Variants in NASP observed in about 807,000 individuals in gnomAD.
NASP encodes the protein nuclear autoantigenic sperm protein, also known as NASP histone chaperone.
In NASP, 24 loss-of-function variants were observed where a neutral mutation model predicts 89.5. That is an observed-to-expected ratio of 0.27 (90% confidence interval 0.19 to 0.38). The LOEUF (loss-of-function observed/expected upper bound fraction) is 0.38, where lower values mean the gene tolerates loss of function less well. Among genes scored for constraint, NASP ranks in the 10% least tolerant of loss-of-function variants. NASP has a pLI of 1.00. For synonymous variants in NASP, 306 were observed against 324.7 expected (o/e 0.94, Z 0.62); for missense variants, 848 against 921.4 (o/e 0.92, Z 1.03).
chr1:45,602,380 T>C lies in NASP; in HGVS notation c.218+15T>C. The stretch of plus-strand genomic sequence containing the variant: ...GCTAGTCTTTTGTAAGTATTGTATA[T>C]TTTGCTATGATGTAATATTATGTTC... On this transcript the variant is annotated intron_variant, in intron 3 of 14. Transcript: ENST00000350030. The C allele has an allele frequency of 6.2e-7, 1 of 1,607,514 alleles. No individual in the cohort carries two copies. The highest frequency in any genetic ancestry group is 2.2e-5 in the East Asian group (1 of 44,736).
At chr1:45,613,965 T>C (rs1644060484) in intron 7 of NASP, 131 bp from the exon 8 acceptor site, 4 of 654,488 alleles carry the variant, frequency 6.1e-6, no homozygotes, top group Non-Finnish European at 1.1e-5. Context: ...TGTGGACCCA[T>C]TCTCTAGATT....
chr1:45,590,278 C>T (rs1643500508), intron 1 of NASP, among the ~76,000 whole-genome samples: 1 of 152,150 alleles, frequency 6.6e-6, no homozygotes, highest in South Asian at 2.1e-4. Flanking sequence ...GGCGCGGTGG[C>T]TCACGCCTGT....
At chr1:45,584,314 C>T (rs1045056551) in intron 1 of NASP, 109 bp downstream of exon 1, 13 of 988,148 alleles carry the variant, frequency 1.3e-5, no homozygotes, top group African/African-American at 5.6e-5. Flanking sequence ...CTTGCCTTCC[C>T]AAGAGCAGCT....
At chr1:45,587,253 T>G (rs749549618) in intron 1 of NASP, among the ~76,000 whole-genome samples, 3 of 151,938 alleles carry the variant, frequency 2.0e-5, no homozygotes, top group Non-Finnish European at 2.9e-5. Context: ...TGGCACAATC[T>G]CTGCTCACTG....
At chr1:45,584,422 C>G (rs531758321) in intron 1 of NASP, among the ~76,000 whole-genome samples, 2 of 152,340 alleles carry the variant, frequency 1.3e-5, no homozygotes, top group Non-Finnish European at 2.9e-5. Context: ...CCCCCTGCCC[C>G]GCTTTTCGCG....
chr1:45,617,710 GTCCTCAC>G, intron 14 of NASP, 119 bp downstream of exon 14: 11 of 1,222,022 alleles, frequency 9.0e-6, no homozygotes, highest in Non-Finnish European at 1.2e-5. Flanking sequence ...GTTGAGTGCA[GTCCTCAC>G]AGAAAACGGT....
chr1:45,593,535 CA>C (rs1197658183), intron 2 of NASP, among the ~76,000 whole-genome samples: 11,503 of 82,738 alleles, frequency 0.14, 154 homozygotes, highest in Middle Eastern at 0.2. Flanking sequence ...TGTCCCCCCC[CA>C]AAAAAAAAAA....
At chr1:45,591,037 C>T (rs866038913) in intron 1 of NASP, among the ~76,000 whole-genome samples, 186 bp from the exon 2 acceptor site, 1 of 151,934 alleles carries the variant, frequency 6.6e-6, no homozygotes, top group African/African-American at 2.4e-5. Flanking sequence ...TATTTTCAGC[C>T]CTGGATATTT....
chr1:45,596,896 T>C (rs1252143506), intron 2 of NASP, among the ~76,000 whole-genome samples: 1 of 151,966 alleles, frequency 6.6e-6, no homozygotes, highest in Admixed American at 6.6e-5. Flanking sequence ...GGCAGGAGAA[T>C]CGCTTGAACC....
intron 1 of NASP, among the ~76,000 whole-genome samples, chr1:45,587,398 T>A (rs2148325651): frequency 6.6e-6 from 1 of 151,920 alleles, no homozygotes; most frequent in Non-Finnish European, 1.5e-5. Flanking sequence ...CTCGAACTCC[T>A]GACCTCAGGT....
At chr1:45,595,122 C>CT (rs2148338285) in intron 2 of NASP, among the ~76,000 whole-genome samples, 1 of 141,644 alleles carries the variant, frequency 7.1e-6, no homozygotes, top group East Asian at 2.2e-4. Flanking sequence ...GCCTGCCAGA[C>CT]TAAGTTTTGT....
rs1436038711 is a variant in NASP at position 45,588,645 on chromosome 1, CTT to C, written c.60-2577_60-2576del. Reference sequence around the variant, plus strand: ...TTCTAAGTATAGTTTTTTTGTTTCTCTTAAGAATGAGCGGCCGGGCGCGGTGG... The same window carrying C: ...TTCTAAGTATAGTTTTTTTGTTTCTCAAGAATGAGCGGCCGGGCGCGGTGG... On this transcript the variant is annotated intron_variant, in intron 1 of 14. Transcript: ENST00000350030. 4 of 452,514 alleles carry C rather than the reference CTT, an allele frequency of 8.8e-6. No homozygotes were observed. In the East Asian group the frequency reaches 2.9e-4, roughly 32 times the overall value. The allele number at this position is 452,514 out of a possible 1,614,324, so 28.0% of individuals were successfully genotyped here. A position where few individuals can be genotyped will look rare whatever the true frequency, so the allele number is the denominator to read the frequency against.
At chr1:45,617,252 C>T (rs186364371) in intron 13 of NASP, 7 of 508,334 alleles carry the variant, frequency 1.4e-5, no homozygotes, top group African/African-American at 2.0e-5. Context: ...CCTGTGCTTC[C>T]GGTAGAGGGG....
chr1:45,617,532 G>A lies in NASP; in HGVS notation c.2227G>A (p.Gly743Arg), dbSNP rs769672673. 6.2e-6 allele frequency: 10 copies of A among 1,610,448 alleles called. No homozygotes were observed. The East Asian group carries it at 6.7e-5, about 11-fold the overall frequency. The change falls in exon 14 of 15, where the codon GGA becomes AGA. Residue 743 changes from glycine (G) to arginine (R), a missense_variant. By Grantham distance (125) the Gly-to-Arg change is moderately radical (BLOSUM62 -2). Transcript: ENST00000350030. ...AGCCAAACAAGAGCCGGAGGTGAAC[G>A]GAGGCAGTGGGGATGCTGTCCCCAG... is the stretch of plus-strand genomic sequence containing the variant. ...KKAKQEPEVN[G>R]GSGDAVPSGN...
At chr1:45,601,840 C>T (rs537955271) in intron 2 of NASP, among the ~76,000 whole-genome samples, 1 of 143,098 alleles carries the variant, frequency 7.0e-6, no homozygotes, top group African/African-American at 2.6e-5. Flanking sequence ...CTGCAAGCTC[C>T]GCCTCCTGGG....
intron 9 of NASP, among the ~76,000 whole-genome samples, chr1:45,614,590 G>A (rs1644070578): frequency 6.6e-6 from 1 of 152,068 alleles, no homozygotes; most frequent in East Asian, 1.9e-4. Flanking sequence ...CTAGGCTGGA[G>A]TGCAATGGCG....
At chr1:45,589,162 C>G (rs1643447842) in intron 1 of NASP, among the ~76,000 whole-genome samples, 1 of 152,152 alleles carries the variant, frequency 6.6e-6, no homozygotes, top group East Asian at 1.9e-4. Flanking sequence ...AGGTCTTACT[C>G]TCTCACCCAG....
chr1:45,589,455 A>G (rs1643459892), intron 1 of NASP, among the ~76,000 whole-genome samples: 1 of 152,174 alleles, frequency 6.6e-6, no homozygotes. Context: ...GCCTTCTCCA[A>G]ACAAATTACC....
At position 45,584,164 on chromosome 1, in the gene NASP, A is replaced by C; in HGVS notation, c.18A>C (p.Thr6=). Reference sequence around the variant, plus strand: ...GGGGAACGATGGCCATGGAGTCCACAGCCACTGCCGCCGTCGCCGCGGAGC... The same window carrying C: ...GGGGAACGATGGCCATGGAGTCCACCGCCACTGCCGCCGTCGCCGCGGAGC... MAMES[T]ATAAVAAELV... Residue 6 remains threonine (T), a synonymous_variant, in exon 1 of 15, where the codon ACA becomes ACC. Coordinates refer to ENST00000350030, the MANE Select transcript of NASP (RefSeq NM_002482.4). 1.9e-6 allele frequency: 3 copies of C among 1,597,068 alleles called. No individual in the cohort carries two copies. The highest frequency in any genetic ancestry group is 2.6e-6 in the Non-Finnish European group (3 of 1,172,134).
Sources: allele counts gnomAD v4.1 joint callset (sites outside exome capture counted in the v4.1 genomes callset), GRCh38; gene constraint gnomAD v4.1.1; transcripts MANE v1.5; gene names NCBI Gene and HGNC (gene_info 2026-07-23, HGNC 2026-07-21).